Variants in DMRT1 observed in about 807,000 individuals in gnomAD.
DMRT1 encodes doublesex- and mab-3-related transcription factor 1.
In DMRT1, 7 loss-of-function variants were observed where a neutral mutation model predicts 32.3. The ratio of observed to expected loss-of-function variants is 0.22; its 90% CI spans 0.12 to 0.41. The LOEUF (loss-of-function observed/expected upper bound fraction) is 0.41. Ranked by LOEUF, DMRT1 falls within the 10% of genes least tolerant of loss-of-function variation. The pLI is 1.00. For missense variants in DMRT1, 625 were observed against 500.5 expected (o/e 1.25, Z -2.37); for synonymous variants, 278 against 206.1 (o/e 1.35, Z -2.99).
At chr9:861,807 G>A (rs71488156) in intron 2 of DMRT1, among the ~76,000 whole-genome samples, 1,938 of 8,726 alleles carry the variant, frequency 0.22, 49 homozygotes, top group African/African-American at 0.37. Context: ...CTGCCGGGCG[G>A]GGGGGGGCTC....
At chr9:848,435 ATTT>A (rs1203436100) in intron 2 of DMRT1, among the ~76,000 whole-genome samples, 31 of 151,948 alleles carry the variant, frequency 2.0e-4, no homozygotes, top group Non-Finnish European at 3.7e-4. Context: ...GTCTTTGTGT[ATTT>A]TACTGAAGTT....
chr9:929,995 C>T (rs1472028065), intron 4 of DMRT1, among the ~76,000 whole-genome samples: 1 of 152,176 alleles, frequency 6.6e-6, no homozygotes, highest in East Asian at 1.9e-4. Flanking sequence ...CTTCTGTATG[C>T]TGTGGAATGG....
intron 3 of DMRT1, among the ~76,000 whole-genome samples, chr9:913,646 G>C (rs1273190165): frequency 6.6e-6 from 1 of 151,254 alleles, no homozygotes; most frequent in Non-Finnish European, 1.5e-5. Context: ...TGTAATCTCA[G>C]CACTTTGGGA....
intron 3 of DMRT1, among the ~76,000 whole-genome samples, chr9:902,864 C>T (rs111815767): frequency 0.031 from 4,786 of 152,128 alleles, 191 homozygotes; most frequent in African/African-American, 0.095. Flanking sequence ...TTCACAGGAA[C>T]CCCAAGTAGG....
chr9:927,282 C>G (rs1444976170), intron 4 of DMRT1, among the ~76,000 whole-genome samples: 1 of 152,236 alleles, frequency 6.6e-6, no homozygotes, highest in Non-Finnish European at 1.5e-5. Context: ...GATTTACAAA[C>G]AATGATGAAG....
chr9:952,691 C>T (rs146746370), intron 4 of DMRT1, among the ~76,000 whole-genome samples: 2 of 152,266 alleles, frequency 1.3e-5, no homozygotes, highest in South Asian at 4.2e-4. Flanking sequence ...GACTTCCACT[C>T]TTTTTTTCAA....
At chr9:902,443 A>C (rs1417308422) in intron 3 of DMRT1, among the ~76,000 whole-genome samples, 1 of 150,228 alleles carries the variant, frequency 6.7e-6, no homozygotes, top group African/African-American at 2.4e-5. Context: ...ATGTGGACTT[A>C]CATTTGTGCT....
At chr9:893,687 A>T (rs958602169) in intron 2 of DMRT1, among the ~76,000 whole-genome samples, 2 of 152,194 alleles carry the variant, frequency 1.3e-5, no homozygotes, top group Admixed American at 6.5e-5. Flanking sequence ...TGGTTTTGAT[A>T]CTCTCAGTAA....
At chr9:964,572 C>T (rs1338958949) in intron 4 of DMRT1, among the ~76,000 whole-genome samples, 2 of 152,026 alleles carry the variant, frequency 1.3e-5, no homozygotes, top group South Asian at 2.1e-4. Flanking sequence ...TCTGTAAATG[C>T]TGGGAGGCTA....
chr9:905,409 G>T (rs1817734135), intron 3 of DMRT1, among the ~76,000 whole-genome samples: 1 of 151,958 alleles, frequency 6.6e-6, no homozygotes, highest in Admixed American at 6.6e-5. Context: ...TATGTCTGGA[G>T]TATTTGTATA....
At chr9:860,025 G>A (rs142487403) in intron 2 of DMRT1, among the ~76,000 whole-genome samples, 6 of 152,162 alleles carry the variant, frequency 3.9e-5, no homozygotes, top group African/African-American at 7.2e-5. Context: ...GGTAGGGCAC[G>A]GTGGCTCACG....
chr9:905,072 G>C (rs1040746111), intron 3 of DMRT1, among the ~76,000 whole-genome samples: 2 of 152,216 alleles, frequency 1.3e-5, no homozygotes, highest in Non-Finnish European at 2.9e-5. Flanking sequence ...GGGGACAAGT[G>C]TTTGATCACA....
At chr9:843,544 G>GT (rs916623078) in intron 1 of DMRT1, among the ~76,000 whole-genome samples, 2 of 152,144 alleles carry the variant, frequency 1.3e-5, no homozygotes, top group African/African-American at 4.8e-5. Context: ...CTGTGGTTTT[G>GT]TTTTTTTGAA....
intron 2 of DMRT1, among the ~76,000 whole-genome samples, chr9:859,266 G>T (rs1003941742): frequency 2.0e-5 from 3 of 152,120 alleles, no homozygotes; most frequent in African/African-American, 7.2e-5. Context: ...GTAATAAGGG[G>T]CTCCAAAGTC....
chr9:953,147 G>T (rs1819484299), intron 4 of DMRT1, among the ~76,000 whole-genome samples: 1 of 152,162 alleles, frequency 6.6e-6, no homozygotes, highest in Non-Finnish European at 1.5e-5. Flanking sequence ...TATACGTGGA[G>T]TCAAGCTTAC....
At chr9:853,797 G>C (rs1274255288) in intron 2 of DMRT1, among the ~76,000 whole-genome samples, 1 of 149,744 alleles carries the variant, frequency 6.7e-6, no homozygotes, top group Non-Finnish European at 1.5e-5. Context: ...GAGCCACCAG[G>C]ACTGGCCATT....
At chr9:870,939 C>G (rs1816220823) in intron 2 of DMRT1, among the ~76,000 whole-genome samples, 1 of 150,522 alleles carries the variant, frequency 6.6e-6, no homozygotes, top group Non-Finnish European at 1.5e-5. Context: ...GTTTTAAACT[C>G]CTGGGCTCAG....
intron 2 of DMRT1, among the ~76,000 whole-genome samples, chr9:861,013 C>T (rs1294260671): frequency 8.2e-5 from 12 of 146,074 alleles, no homozygotes; most frequent in African/African-American, 2.8e-4. Flanking sequence ...CAGCCATTAA[C>T]TATTAAAGCA....
chr9:845,931 T>G (rs1838884615), intron 1 of DMRT1, among the ~76,000 whole-genome samples: 1 of 152,212 alleles, frequency 6.6e-6, no homozygotes, highest in Admixed American at 6.5e-5. Flanking sequence ...TCTCTCTGAC[T>G]TTCTTCTGTA....
Sources: allele counts gnomAD v4.1 joint callset (sites outside exome capture counted in the v4.1 genomes callset), GRCh38; gene constraint gnomAD v4.1.1; transcripts MANE v1.5; gene names NCBI Gene and HGNC (gene_info 2026-07-23, HGNC 2026-07-21).